The following MMP26 variants were observed in gnomAD, a reference collection of about 807,000 sequenced individuals.
The protein encoded by MMP26 is matrix metalloproteinase-26.
In MMP26, 33 loss-of-function variants were observed where a neutral mutation model predicts 31.0. The observed-to-expected ratio is 1.06, with a 90% CI of 0.81 to 1.42. MMP26 has a LOEUF of 1.42. MMP26 is among the 40% of genes most tolerant of loss of function. The probability of loss-of-function intolerance (pLI) is 0.00; values close to 1 mark genes in which losing one functional copy is unlikely to be tolerated. For missense variants in MMP26, 347 were observed against 316.1 expected, an observed-to-expected ratio of 1.10 and a Z score of -0.74; for synonymous variants, 122 against 114.9, an observed-to-expected ratio of 1.06 and a Z score of -0.40.
In MMP26 at chr11:4,896,226, T is replaced by G. The variant is rs1850698935; in HGVS notation, c.-144-91842T>G. Among the ~76,000 whole-genome samples, 3 of 152,148 alleles carry G rather than the reference T, an allele frequency of 2.0e-5. No homozygotes were observed. The South Asian group carries it at 6.2e-4, about 32-fold the overall frequency. ...ATATTATGTTATGGTCCTATTTTAC[T>G]TACCATTTAATTACATAGAAAAACA... On this transcript the variant is annotated intron_variant, in intron 2 of 7. Coordinates refer to ENST00000380390, the MANE Select transcript of MMP26 (RefSeq NM_021801.5).
intron 1 of MMP26, among the ~76,000 whole-genome samples, chr11:4,742,193 T>A (rs569234265): frequency 6.6e-6 from 1 of 152,308 alleles, no homozygotes; most frequent in Non-Finnish European, 1.5e-5. Context: ...GTACATCTAC[T>A]GTGGACAAGG....
chr11:4,784,347 C>T (rs1390512355), intron 2 of MMP26, among the ~76,000 whole-genome samples: 1 of 152,152 alleles, frequency 6.6e-6, no homozygotes, highest in African/African-American at 2.4e-5. Context: ...AAAAGATACT[C>T]TAGTGGATCG....
At chr11:4,848,489 A>T in intron 2 of MMP26, 11 of 1,613,694 alleles carry the variant, frequency 6.8e-6, no homozygotes, top group Non-Finnish European at 9.3e-6. Context: ...CCTTCCAGCG[A>T]TCCTCTCTGG....
At position 4,748,599 on chromosome 11, in the gene MMP26, A is replaced by G. The variant is rs79449946; in HGVS notation, c.-216-18671A>G. On this transcript the variant is annotated intron_variant, in intron 1 of 7. Transcript: ENST00000380390. ...ATCAAAAAAAAAAAAAAACACAACA[A>G]TGAAGCGGGTTTTATTCCACAGATT... is the stretch of plus-strand genomic sequence containing the variant. Among the ~76,000 whole-genome samples the G allele has an allele frequency of 9.5e-3, 1,449 of 151,760 alleles. 22 individuals carry two copies. The highest frequency in any genetic ancestry group is 0.033 in the African/African-American group (1,364 of 41,374).
chr11:4,879,455 T>C (rs1011826030), intron 2 of MMP26, among the ~76,000 whole-genome samples: 1 of 152,078 alleles, frequency 6.6e-6, no homozygotes, highest in Admixed American at 6.5e-5. Context: ...GAAGGTAGTA[T>C]AGCATGATGG....
At chr11:4,909,898 G>A (rs1850963649) in intron 2 of MMP26, among the ~76,000 whole-genome samples, 1 of 152,010 alleles carries the variant, frequency 6.6e-6, no homozygotes, top group East Asian at 1.9e-4. Flanking sequence ...TCTGTCTTAC[G>A]CTTCAACAGA....
At chr11:4,919,110 T>C (rs1313531911) in intron 2 of MMP26, 1 of 152,266 alleles carries the variant, frequency 6.6e-6, no homozygotes, top group Non-Finnish European at 1.5e-5. Context: ...TTGTCTACTT[T>C]CTGAGCTGGT....
At chr11:4,876,169 T>C (rs912606388) in intron 2 of MMP26, 1 of 152,164 alleles carries the variant, frequency 6.6e-6, no homozygotes, top group Non-Finnish European at 1.5e-5. Context: ...GGTTATATTC[T>C]TCATGGTTAT....
intron 2 of MMP26, among the ~76,000 whole-genome samples, chr11:4,771,255 G>T (rs1589895941): frequency 6.6e-6 from 1 of 152,186 alleles, no homozygotes; most frequent in Admixed American, 6.5e-5. Flanking sequence ...CCTTAAGAAA[G>T]TAGTGGGTGA....
intron 1 of MMP26, among the ~76,000 whole-genome samples, chr11:4,705,345 G>A (rs1410040475): frequency 6.6e-6 from 1 of 152,216 alleles, no homozygotes; most frequent in Admixed American, 6.5e-5. Flanking sequence ...CTCAATTCCT[G>A]AATCTGCCAT....
chr11:4,780,474 T>C (rs1164510832), intron 2 of MMP26, among the ~76,000 whole-genome samples: 1 of 150,482 alleles, frequency 6.6e-6, no homozygotes, highest in Non-Finnish European at 1.5e-5. Flanking sequence ...TCTTCTTTTG[T>C]AAAGTAATTG....
At chr11:4,944,685 A>G (rs1227123522) in intron 2 of MMP26, 1 of 152,188 alleles carries the variant, frequency 6.6e-6, no homozygotes, top group Non-Finnish European at 1.5e-5. Context: ...GATTTTCGCA[A>G]TATGCAAGAT....
chr11:4,877,295 T>C (rs1256816434), intron 2 of MMP26: 1 of 152,262 alleles, frequency 6.6e-6, no homozygotes, highest in Admixed American at 6.5e-5. Flanking sequence ...GTCTCTCTCA[T>C]ATCTGCAGTG....
rs748507709 is a variant in MMP26 at position 4,924,192 on chromosome 11, C to T, written c.-144-63876C>T. ...TGGAGAGTGGCATCAGTACAAATGA[C>T]GTGGAGAATGGTGAGGTTCCCCAAG... On this transcript the variant is annotated intron_variant, in intron 2 of 7. Coordinates refer to ENST00000380390, the MANE Select transcript of MMP26 (RefSeq NM_021801.5). 23 of 1,613,964 alleles carry T rather than the reference C, an allele frequency of 1.4e-5. No homozygotes were observed. The highest frequency in any genetic ancestry group is 2.2e-5 in the South Asian group (2 of 91,086).
intron 1 of MMP26, among the ~76,000 whole-genome samples, chr11:4,733,935 G>A (rs1041150016): frequency 2.0e-5 from 3 of 152,274 alleles, no homozygotes; most frequent in Non-Finnish European, 1.5e-5. Flanking sequence ...AGATGATCAT[G>A]TAGTTTTTGT....
intron 2 of MMP26, among the ~76,000 whole-genome samples, chr11:4,775,030 G>A (rs767258564): frequency 1.3e-5 from 2 of 152,124 alleles, no homozygotes; most frequent in Non-Finnish European, 2.9e-5. Flanking sequence ...GGTTATTGCA[G>A]CCTTATAGTA....
chr11:4,977,702 T>C (rs944105433), intron 2 of MMP26, among the ~76,000 whole-genome samples: 5 of 152,018 alleles, frequency 3.3e-5, no homozygotes, highest in African/African-American at 1.2e-4. Context: ...TTTTTGTCCA[T>C]TCAGAAGCGA....
intron 2 of MMP26, among the ~76,000 whole-genome samples, chr11:4,910,025 T>C (rs1315706728): frequency 1.3e-5 from 2 of 152,102 alleles, no homozygotes; most frequent in East Asian, 3.9e-4. Context: ...AAAAACTTAG[T>C]GGCTTAAAAC....
intron 2 of MMP26, chr11:4,912,681 A>G (rs1026386637): frequency 3.3e-5 from 5 of 151,528 alleles, no homozygotes; most frequent in African/African-American, 9.7e-5. Context: ...GCCTTAAAAA[A>G]TGTGATTATG....
Sources: gnomAD v4.1 joint callset for allele counts (sites outside exome capture counted in the v4.1 genomes callset) on GRCh38, gnomAD v4.1.1 for gene constraint, MANE v1.5 for transcripts, NCBI Gene and HGNC (gene_info 2026-07-23, HGNC 2026-07-21) for gene names.